Variants in CRB1 observed in about 807,000 individuals in gnomAD.
CRB1 encodes the protein crumbs cell polarity complex component 1, also known as protein crumbs homolog 1.
CRB1 carries 83 observed loss-of-function variants against 120.0 expected under a neutral mutation model. That is an observed-to-expected ratio of 0.69 (90% CI 0.58 to 0.83). The LOEUF (loss-of-function observed/expected upper bound fraction) is 0.83. Ranked by LOEUF, CRB1 falls within the 40% of genes least tolerant of loss-of-function variation. CRB1 has a pLI of 0.00. For missense variants in CRB1, 1,699 were observed against 1,687.6 expected, an observed-to-expected ratio of 1.01 and a Z score of -0.12; for synonymous variants, 625 against 612.5, an observed-to-expected ratio of 1.02 and a Z score of -0.30.
chr1:197,294,842 C>T (rs1764796), intron 1 of CRB1, among the ~76,000 whole-genome samples: 141,762 of 152,120 alleles, frequency 0.93, 66,139 homozygotes, highest in East Asian at 1. Flanking sequence ...CACTCATAGG[C>T]GGGAATTGAA....
At chr1:197,321,154 A>G (rs1249861001) in intron 1 of CRB1, among the ~76,000 whole-genome samples, 2 of 152,186 alleles carry the variant, frequency 1.3e-5, no homozygotes, top group African/African-American at 4.8e-5. Flanking sequence ...CCCATTCTCC[A>G]TGTGTGCCAT....
At chr1:197,468,216 C>T (rs1019269693) in intron 11 of CRB1, among the ~76,000 whole-genome samples, 3 of 152,182 alleles carry the variant, frequency 2.0e-5, no homozygotes, top group African/African-American at 7.2e-5. Flanking sequence ...CCATGAGGCA[C>T]CTTCCTTTCT....
At chr1:197,418,473 A>G (rs143968438) in intron 5 of CRB1, among the ~76,000 whole-genome samples, 130 of 152,330 alleles carry the variant, frequency 8.5e-4, no homozygotes, top group Middle Eastern at 6.8e-3. Flanking sequence ...AGATTATAAT[A>G]TGTCCACGGT....
At chr1:197,351,187 C>CAAAAAA (rs780090689) in intron 4 of CRB1, among the ~76,000 whole-genome samples, 19 of 85,378 alleles carry the variant, frequency 2.2e-4, no homozygotes, top group African/African-American at 5.6e-4. Context: ...ACTAAAAATA[C>CAAAAAA]AAAAAAAAAA....
At chr1:197,222,318 A>G in the CRB1 span, 17 of 713,114 alleles carry the variant, frequency 2.4e-5, no homozygotes, top group African/African-American at 1.0e-4. Context: ...AAATTGGCCT[A>G]TACCGGGAGA....
rs578050340 is a variant in CRB1 at position 197,327,850 on chromosome 1, G to A, written c.71-572G>A. Among the ~76,000 whole-genome samples, 9 of 152,226 alleles carry A rather than the reference G, an allele frequency of 5.9e-5. No homozygotes were observed. The South Asian group carries it at 1.9e-3, about 32-fold the overall frequency. ...ACCTGAGCAGATCTGCTTTCCAATT[G>A]TGTACATTGGGATTCCTCATGACAT... On this transcript the variant is annotated intron_variant, in intron 1 of 11. Coordinates refer to ENST00000367400, the MANE Select transcript of CRB1 (RefSeq NM_201253.3).
Position 197,439,007 on chromosome 1 carries a change from G to A in CRB1, c.3878+332G>A, listed in dbSNP as rs138136242. ...ACATGATGCAAATATGGTTGCTGTC[G>A]AGGTAAAATAAATTACAACTAAAAG... On this transcript the variant is annotated intron_variant, in intron 10 of 11. Transcript: ENST00000367400. The A allele has an allele frequency of 2.9e-3, 823 of 287,382 alleles. 9 individuals carry two copies. The highest frequency in any genetic ancestry group is 0.017 in the African/African-American group (754 of 45,306). The allele number at this position is 287,382 out of a possible 1,614,324, so 17.8% of individuals were successfully genotyped here. A position where few individuals can be genotyped will look rare whatever the true frequency, so the allele number is the denominator to read the frequency against.
intron 5 of CRB1, among the ~76,000 whole-genome samples, chr1:197,405,199 C>A (rs1228277391): frequency 2.0e-5 from 3 of 152,134 alleles, no homozygotes; most frequent in African/African-American, 7.2e-5. Context: ...CCTTAGCCTG[C>A]CGAGTGCCTG....
intron 1 of CRB1, among the ~76,000 whole-genome samples, chr1:197,298,107 A>G (rs918567402): frequency 1.3e-5 from 2 of 152,158 alleles, no homozygotes; most frequent in Non-Finnish European, 2.9e-5. Flanking sequence ...GGGTTATGTT[A>G]TGTACTTTGC....
chr1:197,374,128 G>A (rs756229040), intron 5 of CRB1, among the ~76,000 whole-genome samples: 2 of 152,124 alleles, frequency 1.3e-5, no homozygotes, highest in Non-Finnish European at 2.9e-5. Flanking sequence ...GCTGTAGTTC[G>A]TGGTAGTGGA....
intron 5 of CRB1, among the ~76,000 whole-genome samples, chr1:197,374,600 CAG>C (rs987160181): frequency 4.6e-5 from 7 of 152,114 alleles, no homozygotes; most frequent in African/African-American, 1.7e-4. Context: ...GGGGAGGAAT[CAG>C]GGGTCATAGA....
chr1:197,318,050 G>C (rs1657959316), intron 1 of CRB1, among the ~76,000 whole-genome samples: 1 of 151,732 alleles, frequency 6.6e-6, no homozygotes, highest in African/African-American at 2.4e-5. Context: ...ACAATCAATA[G>C]AGCAAAGAGG....
At chr1:197,332,920 G>A (rs991210404) in intron 2 of CRB1, among the ~76,000 whole-genome samples, 5 of 152,124 alleles carry the variant, frequency 3.3e-5, no homozygotes, top group Non-Finnish European at 7.4e-5. Context: ...TAGAACCAAG[G>A]GAAAAGCCAA....
intron 7 of CRB1, 105 bp from the exon 8 acceptor site, chr1:197,429,344 G>T: frequency 7.0e-7 from 1 of 1,425,816 alleles, no homozygotes. Flanking sequence ...ATGTAAAGAT[G>T]CAGGGAAATT....
At chr1:197,271,648 A>G (rs773305946) in intron 1 of CRB1, among the ~76,000 whole-genome samples, 26 of 152,178 alleles carry the variant, frequency 1.7e-4, no homozygotes, top group Non-Finnish European at 3.4e-4. Context: ...TTAAAAGAGA[A>G]ACTTATTAGA....
intron 4 of CRB1, among the ~76,000 whole-genome samples, chr1:197,351,382 A>AAAAAAAG (rs1558073140): frequency 7.2e-6 from 1 of 138,906 alleles, no homozygotes; most frequent in Non-Finnish European, 1.5e-5. Flanking sequence ...AAAAAAAAAA[A>AAAAAAAG]AAAAGGAGAA....
intron 1 of CRB1, among the ~76,000 whole-genome samples, chr1:197,285,661 C>T (rs1294238414): frequency 6.6e-6 from 1 of 151,810 alleles, no homozygotes; most frequent in Middle Eastern, 3.2e-3. Flanking sequence ...GCAGTCCAGA[C>T]GTTTGATGTG....
chr1:197,229,757 C>A, the CRB1 span, among the ~76,000 whole-genome samples: 31 of 152,230 alleles, frequency 2.0e-4, no homozygotes, highest in African/African-American at 7.2e-4. Flanking sequence ...GGTCTCCCTG[C>A]TGATTTTAAA....
intron 11 of CRB1, among the ~76,000 whole-genome samples, chr1:197,454,953 C>T (rs1666203538): frequency 1.3e-5 from 2 of 152,060 alleles, no homozygotes; most frequent in Non-Finnish European, 2.9e-5. Context: ...AAATCAGGTA[C>T]ATAGCTTCGT....
Sources: allele counts gnomAD v4.1 joint callset (sites outside exome capture counted in the v4.1 genomes callset), GRCh38; gene constraint gnomAD v4.1.1; transcripts MANE v1.5; gene names NCBI Gene and HGNC (gene_info 2026-07-23, HGNC 2026-07-21).